The following KLHDC4 variants were observed in gnomAD, a reference collection of about 807,000 sequenced individuals.
The protein encoded by KLHDC4 is kelch domain-containing protein 4.
In KLHDC4, 90 loss-of-function variants were observed where a neutral mutation model predicts 62.4. That is an observed-to-expected ratio of 1.44 (90% confidence interval 1.22 to 1.72). The LOEUF (loss-of-function observed/expected upper bound fraction) is 1.72, where lower values mean the gene tolerates loss of function less well. Ranked by LOEUF, KLHDC4 falls within the 40% of genes most tolerant of loss-of-function variation. The probability of loss-of-function intolerance (pLI) is 0.00; values close to 1 mark genes in which losing one functional copy is unlikely to be tolerated. For missense variants in KLHDC4, 1,025 were observed against 699.7 expected (o/e 1.47, Z -5.25); for synonymous variants, 386 against 284.4 (o/e 1.36, Z -3.59).
chr16:87,711,161 G>A (rs1024353204), intron 9 of KLHDC4, 74 bp downstream of exon 9: 2 of 1,516,624 alleles, frequency 1.3e-6, no homozygotes, highest in African/African-American at 1.4e-5. Flanking sequence ...AAAGGTGCTG[G>A]AGGAAGGCAG....
exon 1 of KLHDC4, chr16:87,698,219 G>C (rs1262616262): frequency 6.6e-6 from 1 of 152,416 alleles, no homozygotes; most frequent in Non-Finnish European, 1.5e-5. Flanking sequence ...CTGGTCTGGT[G>C]GGGGCATAGG....
At chr16:87,719,357 T>C (rs2037782300) in intron 7 of KLHDC4, among the ~76,000 whole-genome samples, 2 of 152,256 alleles carry the variant, frequency 1.3e-5, no homozygotes, top group South Asian at 2.1e-4. Context: ...GCTGTTAATC[T>C]ATAACCTTAC....
intron 7 of KLHDC4, among the ~76,000 whole-genome samples, chr16:87,715,694 G>A (rs2036825852): frequency 6.6e-6 from 1 of 152,164 alleles, no homozygotes; most frequent in Non-Finnish European, 1.5e-5. Flanking sequence ...GGGGTGAAGT[G>A]CCCATCTCAT....
At chr16:87,710,978 C>CA (rs1555552342) in intron 9 of KLHDC4, 2 of 490,514 alleles carry the variant, frequency 4.1e-6, no homozygotes, top group African/African-American at 3.8e-5. Flanking sequence ...GGGGAGGTCC[C>CA]GGGCACCTCA....
At chr16:87,721,216 C>G (rs958870722) in intron 7 of KLHDC4, among the ~76,000 whole-genome samples, 4 of 152,044 alleles carry the variant, frequency 2.6e-5, no homozygotes, top group Non-Finnish European at 5.9e-5. Flanking sequence ...GTCAGGAGAT[C>G]GAGACCATCC....
exon 1 of KLHDC4, chr16:87,701,854 C>G (rs1278537958): frequency 4.4e-6 from 2 of 456,528 alleles, no homozygotes; most frequent in Non-Finnish European, 8.8e-6. Context: ...AGCTGCCATC[C>G]ACACCGAGGA....
At chr16:87,740,450 C>G (rs1480203636) in intron 5 of KLHDC4, 1 of 152,436 alleles carries the variant, frequency 6.6e-6, no homozygotes, top group South Asian at 2.1e-4. Context: ...TGCTCCAGAG[C>G]CTAATGCTGG....
At chr16:87,701,822 T>G (rs751548599) in exon 1 of KLHDC4, 6 of 456,576 alleles carry the variant, frequency 1.3e-5, no homozygotes, top group South Asian at 9.3e-5. Flanking sequence ...GGCCTCCAGC[T>G]GCACCACCAC....
intron 8 of KLHDC4, among the ~76,000 whole-genome samples, chr16:87,713,913 CGAGT>C (rs3838872): frequency 0.057 from 8,608 of 152,034 alleles, 309 homozygotes; most frequent in South Asian, 0.17. Context: ...CTAACAGCCC[CGAGT>C]TCAGTAACTC....
At chr16:87,760,868 A>G (rs184899043) in intron 2 of KLHDC4, among the ~76,000 whole-genome samples, 2 of 151,970 alleles carry the variant, frequency 1.3e-5, no homozygotes, top group East Asian at 3.9e-4. Context: ...CCCCATCTCT[A>G]CTAAAAATAC....
chr16:87,752,138 G>A (rs2044091858), intron 4 of KLHDC4, among the ~76,000 whole-genome samples: 2 of 146,330 alleles, frequency 1.4e-5, no homozygotes, highest in Admixed American at 1.4e-4. Context: ...CAGGCACAGT[G>A]GCTCACGCCT....
Position 87,708,481 on chromosome 16 carries a change from T to A in KLHDC4, c.1448-15A>T, listed in dbSNP as rs1486739191. The A allele has an allele frequency of 6.3e-7, 1 of 1,590,600 alleles. No individual in the cohort carries two copies. Among genetic ancestry groups the A allele is most frequent in the African/African-American group, 1.3e-5 (1 of 74,456 alleles). On this transcript the variant is annotated splice_polypyrimidine_tract_variant and intron_variant, in intron 10 of 11. Transcript: ENST00000270583. Reference sequence around the variant, plus strand: ...CTCCTGAGTTTCTTCAAAAGCAGAATGAACGCACATACACGTCAGCGCAGC... The same window carrying A: ...CTCCTGAGTTTCTTCAAAAGCAGAAAGAACGCACATACACGTCAGCGCAGC...
chr16:87,726,224 G>A (rs74535504), intron 7 of KLHDC4, among the ~76,000 whole-genome samples: 1 of 57,798 alleles, frequency 1.7e-5, no homozygotes, highest in East Asian at 5.2e-4. Flanking sequence ...GTCTCCCCAC[G>A]CCGCGCCTCG....
At position 87,748,886 on chromosome 16, in the gene KLHDC4, G is replaced by A. The variant is rs922870551; in HGVS notation, c.370-77C>T. 6.1e-5 allele frequency: 95 copies of A among 1,564,484 alleles called. No homozygotes were observed. In the African/African-American group the frequency reaches 1.3e-3, roughly 21 times the overall value. On this transcript the variant is annotated intron_variant, in intron 4 of 11. Transcript: ENST00000270583. Reference sequence around the variant, plus strand: ...AGTGTCATGGGTGACCGGTAGTGGTGAGCGCTTCAGTACTATCTCGGATGC... The same window carrying A: ...AGTGTCATGGGTGACCGGTAGTGGTAAGCGCTTCAGTACTATCTCGGATGC...
At chr16:87,726,058 C>G (rs2039316005) in intron 7 of KLHDC4, among the ~76,000 whole-genome samples, 1 of 152,140 alleles carries the variant, frequency 6.6e-6, no homozygotes, top group South Asian at 2.1e-4. Flanking sequence ...TTAACACTAT[C>G]TCTATTTCTA....
In KLHDC4 at chr16:87,730,626, C is replaced by T. The variant is rs182332296; in HGVS notation, c.525G>A (p.Ser175=). Residue 175 remains serine (S), a synonymous_variant, in exon 6 of 12, where the codon TCG becomes TCA. Transcript: ENST00000270583. ...WEQVKSTGGP[S]GRSGHRMVAW... is the part of the protein sequence containing the mutation. Reference sequence around the variant, plus strand: ...CCACCATCCGATGTCCACTCCGACCCGAAGGACCGCCTGTTGATCTAAAAT... The same window carrying T: ...CCACCATCCGATGTCCACTCCGACCTGAAGGACCGCCTGTTGATCTAAAAT... 8 of 1,612,602 alleles carry T rather than the reference C, an allele frequency of 5.0e-6. No individual in the cohort carries two copies. Among genetic ancestry groups the T allele is most frequent in the East Asian group, 4.5e-5 (2 of 44,832 alleles).
intron 5 of KLHDC4, chr16:87,747,848 C>T (rs1177463472): frequency 6.6e-6 from 1 of 152,296 alleles, no homozygotes; most frequent in African/African-American, 2.4e-5. Flanking sequence ...GGGAGCGCCG[C>T]TGCCCTCCGG....
chr16:87,757,619 G>A (rs141906915), intron 2 of KLHDC4, among the ~76,000 whole-genome samples: 203 of 152,200 alleles, frequency 1.3e-3, no homozygotes, highest in African/African-American at 4.5e-3. Flanking sequence ...GCCAGGCCCG[G>A]TGGCTCACAC....
At chr16:87,715,621 C>T (rs2036806766) in intron 7 of KLHDC4, among the ~76,000 whole-genome samples, 2 of 152,146 alleles carry the variant, frequency 1.3e-5, no homozygotes, top group Admixed American at 1.3e-4. Flanking sequence ...GAGTGCCCCT[C>T]TACTGGGACT....
Sources: allele counts gnomAD v4.1 joint callset (sites outside exome capture counted in the v4.1 genomes callset), GRCh38; gene constraint gnomAD v4.1.1; transcripts MANE v1.5; gene names NCBI Gene and HGNC (gene_info 2026-07-23, HGNC 2026-07-21).